HMCN1: variants seen among roughly 807,000 people sequenced by gnomAD.
The protein encoded by HMCN1 is hemicentin-1.
In HMCN1, 321 loss-of-function variants were observed where a neutral mutation model predicts 625.9. The observed-to-expected ratio is 0.51, with a 90% CI of 0.47 to 0.56. The LOEUF is 0.56. Among genes scored for constraint, HMCN1 ranks in the 20% least tolerant of loss-of-function variants. The pLI is 0.00. For missense variants in HMCN1, 6,588 were observed against 6,887.3 expected, an observed-to-expected ratio of 0.96 and a Z score of 1.54; for synonymous variants, 2,425 against 2,417.6, an observed-to-expected ratio of 1.00 and a Z score of -0.09.
chr1:185,979,546 A>G (rs954229091), intron 16 of HMCN1, among the ~76,000 whole-genome samples: 2 of 152,226 alleles, frequency 1.3e-5, no homozygotes, highest in East Asian at 1.9e-4. Context: ...CTTGGTTCTC[A>G]TGGTATGTTG....
intron 11 of HMCN1, among the ~76,000 whole-genome samples, chr1:185,953,077 AG>A (rs1649347545): frequency 6.6e-6 from 1 of 151,190 alleles, no homozygotes; most frequent in Non-Finnish European, 1.5e-5. Context: ...GAAGGGGTTG[AG>A]GGGTACTTGC....
intron 36 of HMCN1, among the ~76,000 whole-genome samples, chr1:186,032,080 A>G: frequency 6.6e-6 from 1 of 152,134 alleles, no homozygotes; most frequent in East Asian, 1.9e-4. Flanking sequence ...AATTAAACTA[A>G]AAACCTTATG....
intron 1 of HMCN1, among the ~76,000 whole-genome samples, chr1:185,765,220 G>A (rs1182368585): frequency 2.0e-5 from 3 of 152,056 alleles, no homozygotes; most frequent in African/African-American, 4.8e-5. Flanking sequence ...GAGTAAAGAC[G>A]GTCATGAGAG....
intron 1 of HMCN1, among the ~76,000 whole-genome samples, chr1:185,816,423 C>T (rs1229716654): frequency 6.6e-6 from 1 of 152,158 alleles, no homozygotes; most frequent in East Asian, 1.9e-4. Flanking sequence ...GCTTTCAAAT[C>T]TCTTGTATGC....
At chr1:185,890,412 A>G (rs557323600) in intron 4 of HMCN1, among the ~76,000 whole-genome samples, 1 of 146,288 alleles carries the variant, frequency 6.8e-6, no homozygotes, top group Admixed American at 6.6e-5. Flanking sequence ...TAGGGTGTCA[A>G]TTTTGGATCT....
At position 185,909,470 on chromosome 1, in the gene HMCN1, G is replaced by A. The variant is rs1446208742; in HGVS notation, c.755G>A (p.Ser252Asn). The A allele has an allele frequency of 6.2e-7, 1 of 1,613,472 alleles. No individual in the cohort carries two copies. The highest frequency in any genetic ancestry group is 8.5e-7 in the Non-Finnish European group (1 of 1,179,674). The change falls in exon 5 of 107, where the codon AGT becomes AAT. Residue 252 changes from serine to asparagine, a missense_variant. Physicochemically the swap from Ser to Asn is conservative, Grantham distance 46. This residue lies in a region of HMCN1 where 4,628 missense variants were observed against 4,853.1 expected (regional missense o/e 0.95). Coordinates refer to ENST00000271588, the MANE Select transcript of HMCN1 (RefSeq NM_031935.3). ...PSLKEVTVSL[S>N]GPSPMIEIRN... is the part of the protein sequence containing the mutation. The stretch of plus-strand genomic sequence containing the variant: ...CTGAAAGAGGTCACTGTGTCTTTGA[G>A]TGGGCCTTCTCCAATGATTGAAATT...
intron 17 of HMCN1, 111 bp downstream of exon 17, chr1:185,981,184 A>G (rs1337118828): frequency 1.4e-6 from 1 of 731,244 alleles, no homozygotes; most frequent in South Asian, 1.5e-5. Context: ...TAAATGACTA[A>G]TTACTAGACC....
At chr1:185,924,196 G>A (rs554871234) in intron 8 of HMCN1, among the ~76,000 whole-genome samples, 1 of 132,960 alleles carries the variant, frequency 7.5e-6, no homozygotes, top group South Asian at 2.6e-4. Flanking sequence ...CAAGGCTCAT[G>A]ACTGAACTCT....
chr1:186,189,633 G>C lies in HMCN1; in HGVS notation c.16663G>C (p.Val5555Leu). 6.2e-7 allele frequency: 1 copy of C among 1,612,884 alleles called. No individual in the cohort carries two copies. Among genetic ancestry groups the C allele is most frequent in the South Asian group, 1.1e-5 (1 of 90,896 alleles). ...CACCAATCAAGATTTAATCCGGCTGGTTGCATACACACAGGATGGAGTGAT... is the reference window on the plus strand; with the variant it reads ...CACCAATCAAGATTTAATCCGGCTGCTTGCATACACACAGGATGGAGTGAT... ...IATNQDLIRLVAYTQDGVMHP... is the reference protein window; with the variant it reads ...IATNQDLIRLLAYTQDGVMHP... Residue 5555 changes from valine to leucine, a missense_variant, in exon 107 of 107, where the codon GTT (valine) becomes CTT (leucine). Physicochemically the swap from Val to Leu is conservative, Grantham distance 32. Coordinates refer to ENST00000271588, the MANE Select transcript of HMCN1 (RefSeq NM_031935.3).
At chr1:185,900,861 T>C (rs1213242580) in intron 4 of HMCN1, among the ~76,000 whole-genome samples, 2 of 151,814 alleles carry the variant, frequency 1.3e-5, no homozygotes, top group Admixed American at 1.3e-4. Flanking sequence ...CAGAAATTGA[T>C]GAAACTTGCC....
At chr1:185,950,823 G>A (rs1668617001) in intron 11 of HMCN1, among the ~76,000 whole-genome samples, 1 of 151,946 alleles carries the variant, frequency 6.6e-6, no homozygotes, top group Non-Finnish European at 1.5e-5. Context: ...AGGTATTGAG[G>A]ATAGGAGAGT....
intron 8 of HMCN1, among the ~76,000 whole-genome samples, chr1:185,924,400 G>T (rs1667168550): frequency 6.6e-6 from 1 of 151,348 alleles, no homozygotes; most frequent in Non-Finnish European, 1.5e-5. Flanking sequence ...CCAGCTAATG[G>T]ACTGATAAAG....
intron 4 of HMCN1, among the ~76,000 whole-genome samples, chr1:185,890,148 G>T (rs148682890): frequency 0.051 from 7,662 of 149,034 alleles, 753 homozygotes; most frequent in African/African-American, 0.19. Flanking sequence ...TGTGGGATTG[G>T]TGGTGACATC....
At chr1:185,889,587 G>A (rs1384258115) in intron 4 of HMCN1, among the ~76,000 whole-genome samples, 1 of 134,512 alleles carries the variant, frequency 7.4e-6, no homozygotes, top group East Asian at 2.0e-4. Flanking sequence ...TTTGTCTTTG[G>A]CTCTGTTTAT....
intron 2 of HMCN1, among the ~76,000 whole-genome samples, chr1:185,857,839 C>T (rs1048393415): frequency 4.6e-5 from 7 of 152,146 alleles, no homozygotes; most frequent in Non-Finnish European, 7.4e-5. Context: ...AAACAGAGAT[C>T]TAGTAGGAGG....
intron 41 of HMCN1, among the ~76,000 whole-genome samples, chr1:186,047,410 G>A (rs555383278): frequency 1.3e-4 from 20 of 152,272 alleles, no homozygotes; most frequent in African/African-American, 4.8e-4. Context: ...GAGTACAGAA[G>A]TTCGTCACGT....
In HMCN1 at chr1:186,166,799, C is replaced by G; in HGVS notation, c.15440-9C>G. ...GCTCACCTCAGTTGAATGATTCCCT[C>G]TGTTGCAGATATTGATGAGTGTGCT... On this transcript the variant is annotated splice_polypyrimidine_tract_variant and intron_variant, in intron 99 of 106. Transcript: ENST00000271588. 1 of 1,614,152 alleles carries G rather than the reference C, an allele frequency of 6.2e-7. No homozygotes were observed. Among genetic ancestry groups the G allele is most frequent in the East Asian group, 2.2e-5 (1 of 44,882 alleles).
Position 185,762,964 on chromosome 1 carries a change from T to C in HMCN1, c.268+27917T>C, listed in dbSNP as rs555744105. ...TTCCCTTGGCTAACTTATTTGTTTCTTTCTTTATACTCGCAGCTATCATAA... is the reference window on the plus strand; with the variant it reads ...TTCCCTTGGCTAACTTATTTGTTTCCTTCTTTATACTCGCAGCTATCATAA... On this transcript the variant is annotated intron_variant, in intron 1 of 106. Transcript: ENST00000271588. 1.1e-4 allele frequency among the ~76,000 whole-genome samples: 16 copies of C among 152,328 alleles called. 1 individual carries two copies. The South Asian group carries it at 3.3e-3, about 32-fold the overall frequency.
Position 185,743,011 on chromosome 1 carries a change from C to T in HMCN1, c.268+7964C>T, listed in dbSNP as rs114670719. On this transcript the variant is annotated intron_variant, in intron 1 of 106. Coordinates refer to ENST00000271588, the MANE Select transcript of HMCN1 (RefSeq NM_031935.3). ...CCTTGTTAATTAGTTAAGGAACAGC[C>T]TTCTACTTTATTGTTGATAAATCAG... 8.3e-3 allele frequency among the ~76,000 whole-genome samples: 1,261 copies of T among 152,252 alleles called. 12 individuals carry two copies. The highest frequency in any genetic ancestry group is 0.027 in the Middle Eastern group (8 of 294).
Sources: allele counts gnomAD v4.1 joint callset (sites outside exome capture counted in the v4.1 genomes callset), GRCh38; gene constraint gnomAD v4.1.1; regional missense constraint gnomAD v4.1.1; transcripts MANE v1.5; gene names NCBI Gene and HGNC (gene_info 2026-07-23, HGNC 2026-07-21).